Variants in CCSER2 observed in about 807,000 individuals in gnomAD.
CCSER2 encodes serine-rich coiled-coil domain-containing protein 2.
CCSER2 carries 46 observed loss-of-function variants against 92.3 expected under a neutral mutation model. The observed-to-expected ratio is 0.50, with a 90% confidence interval of 0.39 to 0.64. The LOEUF (loss-of-function observed/expected upper bound fraction) is 0.64. Ranked by LOEUF, CCSER2 falls within the 30% of genes least tolerant of loss-of-function variation. The pLI, the probability that CCSER2 is intolerant of heterozygous loss-of-function variation, is 0.00. For synonymous variants in CCSER2, 433 were observed against 431.4 expected (o/e 1.00, Z -0.04); for missense variants, 1,244 against 1,238.9 (o/e 1.00, Z -0.06).
At chr10:84,448,302 AGGCTGCTGATTAT>A (rs1488241104) in intron 6 of CCSER2, among the ~76,000 whole-genome samples, 2 of 152,130 alleles carry the variant, frequency 1.3e-5, no homozygotes, top group Non-Finnish European at 2.9e-5. Context: ...AGCCCATGCC[AGGCTGCTGATTAT>A]GCACATACAC....
intron 6 of CCSER2, among the ~76,000 whole-genome samples, chr10:84,463,375 C>T (rs774298552): frequency 4.6e-5 from 7 of 152,266 alleles, no homozygotes; most frequent in African/African-American, 7.2e-5. Context: ...AACCCCCTTC[C>T]CTTTAGTCTA....
At position 84,455,094 on chromosome 10, in the gene CCSER2, A is replaced by G. The variant is rs552534575; in HGVS notation, c.2065-8839A>G. On this transcript the variant is annotated intron_variant, in intron 6 of 9. Coordinates refer to ENST00000372088, the MANE Select transcript of CCSER2 (RefSeq NM_001284240.2). ...ACATGCCTATGCTTCTCCTTCGGCC[A>G]TGATTATGAGGCTTCCCAGCCACAT... 2.7e-3 allele frequency: 414 copies of G among 152,952 alleles called. 1 individual carries two copies. The highest frequency in any genetic ancestry group is 4.6e-3 in the Non-Finnish European group (319 of 68,610). The allele number at this position is 152,952 out of a possible 1,614,324, so 9.5% of individuals were successfully genotyped here.
intron 7 of CCSER2, among the ~76,000 whole-genome samples, chr10:84,466,969 C>G (rs540497519): frequency 4.3e-4 from 66 of 152,162 alleles, no homozygotes; most frequent in African/African-American, 1.6e-3. Flanking sequence ...GCATCTCTTC[C>G]TCCTCTCTCA....
At chr10:84,386,391 T>C (rs1373126390) in intron 3 of CCSER2, among the ~76,000 whole-genome samples, 1 of 152,198 alleles carries the variant, frequency 6.6e-6, no homozygotes, top group Non-Finnish European at 1.5e-5. Flanking sequence ...GTGGTGTATA[T>C]ACACCATGGA....
chr10:84,506,727 G>A (rs1052473225), intron 9 of CCSER2, among the ~76,000 whole-genome samples: 1 of 152,006 alleles, frequency 6.6e-6, no homozygotes, highest in Non-Finnish European at 1.5e-5. Context: ...CCTGGGAGGT[G>A]GAGGCTGCAT....
intron 3 of CCSER2, among the ~76,000 whole-genome samples, chr10:84,416,351 G>C (rs1294675954): frequency 6.6e-6 from 1 of 152,106 alleles, no homozygotes; most frequent in African/African-American, 2.4e-5. Flanking sequence ...TCCTCTCCGT[G>C]AGTGCCGCAG....
In CCSER2 at chr10:84,505,114, T is replaced by A. The variant is rs577807267; in HGVS notation, c.2326-8335T>A. ...TGTATTTTCAGTCGTTCTGCTTTTT[T>A]CACATAGTATCATTTTATATATATA... On this transcript the variant is annotated intron_variant, in intron 9 of 9. Coordinates refer to ENST00000372088, the MANE Select transcript of CCSER2 (RefSeq NM_001284240.2). Among the ~76,000 whole-genome samples, 26 of 152,330 alleles carry A rather than the reference T, an allele frequency of 1.7e-4. No individual in the cohort carries two copies. In the South Asian group the frequency reaches 4.1e-3, roughly 24 times the overall value.
chr10:84,404,014 A>C (rs909622456), intron 3 of CCSER2, among the ~76,000 whole-genome samples: 1 of 152,224 alleles, frequency 6.6e-6, no homozygotes, highest in Non-Finnish European at 1.5e-5. Flanking sequence ...CTAAACCAAC[A>C]ATCTTTGAAA....
chr10:84,346,217 A>G (rs935859402), intron 1 of CCSER2, among the ~76,000 whole-genome samples: 1 of 152,004 alleles, frequency 6.6e-6, no homozygotes, highest in Admixed American at 6.6e-5. Flanking sequence ...GGCATGCACC[A>G]CCTCGCCTGG....
intron 6 of CCSER2, among the ~76,000 whole-genome samples, chr10:84,447,695 G>A (rs911441540): frequency 1.3e-5 from 2 of 152,092 alleles, no homozygotes; most frequent in African/African-American, 4.8e-5. Context: ...CAAATAACTT[G>A]GAATTGATTT....
At chr10:84,360,229 TTTAAC>T (rs1353664906) in intron 1 of CCSER2, among the ~76,000 whole-genome samples, 7 of 152,346 alleles carry the variant, frequency 4.6e-5, no homozygotes, top group South Asian at 2.1e-4. Flanking sequence ...TAGTTTCAGT[TTTAAC>T]TGTCACACTC....
chr10:84,504,528 C>T (rs1848941851), intron 9 of CCSER2, among the ~76,000 whole-genome samples: 1 of 152,216 alleles, frequency 6.6e-6, no homozygotes, highest in African/African-American at 2.4e-5. Flanking sequence ...TAGTAATTCA[C>T]TGTACTTATT....
intron 7 of CCSER2, among the ~76,000 whole-genome samples, chr10:84,465,362 T>A (rs1274022735): frequency 7.4e-6 from 1 of 135,416 alleles, no homozygotes; most frequent in Non-Finnish European, 1.5e-5. Flanking sequence ...CCTTGCTCTG[T>A]CACCCAGGCT....
intron 6 of CCSER2, among the ~76,000 whole-genome samples, chr10:84,440,674 C>T (rs1844476244): frequency 6.6e-6 from 1 of 152,190 alleles, no homozygotes; most frequent in Non-Finnish European, 1.5e-5. Context: ...TTTATTCTCT[C>T]ACTTTGCTGG....
intron 6 of CCSER2, among the ~76,000 whole-genome samples, chr10:84,451,083 G>A (rs1845253341): frequency 1.3e-5 from 2 of 152,090 alleles, no homozygotes; most frequent in South Asian, 2.1e-4. Context: ...TAAGATTTGT[G>A]TACATTGAAA....
At chr10:84,417,057 G>T (rs1025642265) in intron 3 of CCSER2, among the ~76,000 whole-genome samples, 1 of 152,228 alleles carries the variant, frequency 6.6e-6, no homozygotes, top group Non-Finnish European at 1.5e-5. Context: ...GGATTGTAAG[G>T]ACGCACCAGT....
intron 1 of CCSER2, among the ~76,000 whole-genome samples, chr10:84,352,281 C>T (rs567700698): frequency 6.6e-5 from 10 of 151,374 alleles, no homozygotes; most frequent in East Asian, 3.9e-4. Context: ...TCCAGCCTGG[C>T]GACAGAGGAA....
chr10:84,492,222 G>A (rs1848211854), intron 9 of CCSER2, among the ~76,000 whole-genome samples: 2 of 151,728 alleles, frequency 1.3e-5, no homozygotes, highest in Admixed American at 1.3e-4. Flanking sequence ...GATAATTGCA[G>A]TGAGCAGAGA....
At chr10:84,423,982 TAAAAA>T (rs3044102) in intron 4 of CCSER2, among the ~76,000 whole-genome samples, 1 of 108,180 alleles carries the variant, frequency 9.2e-6, no homozygotes, top group Admixed American at 9.8e-5. Context: ...CCCCATCTCT[TAAAAA>T]AAAAAAAAAA....
Sources: gnomAD v4.1 joint callset for allele counts (sites outside exome capture counted in the v4.1 genomes callset) on GRCh38, gnomAD v4.1.1 for gene constraint, MANE v1.5 for transcripts, NCBI Gene and HGNC (gene_info 2026-07-23, HGNC 2026-07-21) for gene names.